Variants in TAFA2 observed in about 807,000 individuals in gnomAD.
TAFA2 encodes the protein chemokine-like protein TAFA-2.
Under a neutral mutation model 18.8 loss-of-function variants are expected in TAFA2, and 7 were observed. That is an observed-to-expected ratio of 0.37 (90% confidence interval 0.21 to 0.70). The LOEUF is 0.70. Among genes scored for constraint, TAFA2 ranks in the 30% least tolerant of loss-of-function variants. The probability of loss-of-function intolerance (pLI) is 0.53; values close to 1 mark genes in which losing one functional copy is unlikely to be tolerated. For missense variants in TAFA2, 122 were observed against 158.1 expected (o/e 0.77, Z 1.23); for synonymous variants, 60 against 54.2 (o/e 1.11, Z -0.47).
At chr12:62,109,962 C>T (rs926136936) in intron 1 of TAFA2, among the ~76,000 whole-genome samples, 12 of 152,170 alleles carry the variant, frequency 7.9e-5, no homozygotes, top group African/African-American at 2.9e-4. Flanking sequence ...TATTTGAATA[C>T]CCTTTATTTC....
At chr12:62,105,851 G>A (rs945874497) in intron 1 of TAFA2, among the ~76,000 whole-genome samples, 14 of 152,162 alleles carry the variant, frequency 9.2e-5, no homozygotes, top group African/African-American at 2.7e-4. Context: ...GCTTTCTGAT[G>A]AGACCTTTCT....
chr12:62,123,781 TAC>T (rs71083977), intron 1 of TAFA2, among the ~76,000 whole-genome samples: 170 of 132,912 alleles, frequency 1.3e-3, no homozygotes, highest in Middle Eastern at 7.6e-3. Context: ...ACCACACACA[TAC>T]ACACACACAC....
In TAFA2 at chr12:61,841,452, A is replaced by G. The variant is rs1873176445; in HGVS notation, c.106+25868T>C. Among the ~76,000 whole-genome samples, 3 of 152,072 alleles carry G rather than the reference A, an allele frequency of 2.0e-5. No homozygotes were observed. In the South Asian group the frequency reaches 6.2e-4, roughly 31 times the overall value. On this transcript the variant is annotated intron_variant, in intron 2 of 4. Coordinates refer to ENST00000416284, the MANE Select transcript of TAFA2 (RefSeq NM_178539.5). ...CTTGACACCTCTGTTAAAAATCAAT[A>G]GGCTGTAAACATGTGCATTAATTCC...
chr12:62,239,248 A>G (rs986263470), intron 1 of TAFA2, among the ~76,000 whole-genome samples: 1 of 152,206 alleles, frequency 6.6e-6, no homozygotes, highest in Non-Finnish European at 1.5e-5. Flanking sequence ...GACCACCACA[A>G]TAAATCTCAT....
At chr12:61,851,247 A>G (rs1873631274) in intron 2 of TAFA2, among the ~76,000 whole-genome samples, 1 of 152,212 alleles carries the variant, frequency 6.6e-6, no homozygotes, top group Admixed American at 6.5e-5. Context: ...TAGAGGGATA[A>G]TAAAGGATTT....
chr12:61,925,879 G>A (rs1273455840), intron 1 of TAFA2, among the ~76,000 whole-genome samples: 2 of 151,980 alleles, frequency 1.3e-5, no homozygotes, highest in Admixed American at 1.3e-4. Flanking sequence ...ATACAGACAC[G>A]AAAAGCCCTT....
chr12:61,956,233 C>T (rs1878691084), intron 1 of TAFA2, among the ~76,000 whole-genome samples: 1 of 151,928 alleles, frequency 6.6e-6, no homozygotes, highest in Non-Finnish European at 1.5e-5. Flanking sequence ...CCTTTATTGG[C>T]TTTATACATG....
At chr12:62,059,238 G>A (rs977948563) in intron 1 of TAFA2, among the ~76,000 whole-genome samples, 1 of 151,520 alleles carries the variant, frequency 6.6e-6, no homozygotes, top group Non-Finnish European at 1.5e-5. Flanking sequence ...GATCCCTTGA[G>A]CCCAGGAGCT....
intron 2 of TAFA2, among the ~76,000 whole-genome samples, chr12:61,813,824 G>A (rs1297060742): frequency 1.3e-5 from 2 of 151,422 alleles, no homozygotes; most frequent in Admixed American, 6.6e-5. Flanking sequence ...TCTACAAAAT[G>A]CAGGTAAGAA....
intron 1 of TAFA2, among the ~76,000 whole-genome samples, chr12:61,878,805 C>T (rs1387690219): frequency 4.6e-5 from 7 of 152,142 alleles, no homozygotes; most frequent in Admixed American, 3.3e-4. Flanking sequence ...ACAAACCATA[C>T]AGTATAGTTC....
intron 1 of TAFA2, among the ~76,000 whole-genome samples, chr12:62,053,398 TA>T (rs1224589328): frequency 2.0e-5 from 3 of 151,988 alleles, no homozygotes; most frequent in African/African-American, 4.8e-5. Flanking sequence ...TTTATGCATA[TA>T]AAAAAAGAAA....
intron 1 of TAFA2, among the ~76,000 whole-genome samples, chr12:62,180,652 C>A (rs1291543151): frequency 1.3e-5 from 2 of 152,044 alleles, no homozygotes; most frequent in South Asian, 2.1e-4. Flanking sequence ...AGAAGCCTTA[C>A]TTAACTCAGA....
At chr12:62,170,944 T>A in intron 1 of TAFA2, among the ~76,000 whole-genome samples, 1 of 152,178 alleles carries the variant, frequency 6.6e-6, no homozygotes, top group East Asian at 1.9e-4. Flanking sequence ...TAAAACTAGG[T>A]TTACTCTTAA....
At chr12:62,173,443 A>G (rs753237436) in intron 1 of TAFA2, among the ~76,000 whole-genome samples, 30 of 152,198 alleles carry the variant, frequency 2.0e-4, no homozygotes, top group South Asian at 4.2e-4. Flanking sequence ...GAAAGACCTT[A>G]AAGGGTCTCC....
At chr12:61,914,862 T>C (rs1035335873) in intron 1 of TAFA2, among the ~76,000 whole-genome samples, 1 of 152,148 alleles carries the variant, frequency 6.6e-6, no homozygotes, top group East Asian at 1.9e-4. Context: ...ATATATGTAG[T>C]AGAAGAGAAT....
intron 1 of TAFA2, among the ~76,000 whole-genome samples, chr12:62,043,537 A>G (rs955382713): frequency 1.6e-4 from 25 of 152,280 alleles, no homozygotes; most frequent in African/African-American, 4.8e-4. Flanking sequence ...TGGGTGCAGC[A>G]CACCAACATG....
At chr12:61,761,569 C>T (rs1869548199) in intron 2 of TAFA2, among the ~76,000 whole-genome samples, 1 of 151,968 alleles carries the variant, frequency 6.6e-6, no homozygotes, top group South Asian at 2.1e-4. Context: ...ATGGTGATTG[C>T]TAACATTGAC....
intron 1 of TAFA2, among the ~76,000 whole-genome samples, chr12:61,925,683 C>T (rs567214604): frequency 1.8e-4 from 28 of 152,280 alleles, no homozygotes; most frequent in African/African-American, 5.1e-4. Flanking sequence ...ACCAGAATCT[C>T]TGTGACACAG....
chr12:61,713,850 C>T (rs1869525711), intron 4 of TAFA2, among the ~76,000 whole-genome samples: 3 of 152,150 alleles, frequency 2.0e-5, no homozygotes, highest in Non-Finnish European at 4.4e-5. Context: ...AGACCCTAAA[C>T]TGGAACACCC....
Sources: gnomAD v4.1 joint callset for allele counts (sites outside exome capture counted in the v4.1 genomes callset) on GRCh38, gnomAD v4.1.1 for gene constraint, MANE v1.5 for transcripts, NCBI Gene and HGNC (gene_info 2026-07-23, HGNC 2026-07-21) for gene names.